The following CMTM4 variants were observed in gnomAD, a reference collection of about 807,000 sequenced individuals.
CMTM4 encodes CKLF-like MARVEL transmembrane domain-containing protein 4.
Under a neutral mutation model 19.0 loss-of-function variants are expected in CMTM4, and 8 were observed. The ratio of observed to expected loss-of-function variants is 0.42; its 90% CI spans 0.25 to 0.76. CMTM4 has a LOEUF of 0.76. Ranked by LOEUF, CMTM4 falls within the 30% of genes least tolerant of loss-of-function variation. CMTM4 has a pLI of 0.27. For synonymous variants in CMTM4, 106 were observed against 121.1 expected, an observed-to-expected ratio of 0.88 and a Z score of 0.82; for missense variants, 228 against 290.2, an observed-to-expected ratio of 0.79 and a Z score of 1.56.
chr16:66,655,006 G>T (rs1380635090), intron 1 of CMTM4, among the ~76,000 whole-genome samples: 1 of 151,946 alleles, frequency 6.6e-6, no homozygotes. Context: ...GTTTCGGGGG[G>T]CTTTTTTGAG....
intron 1 of CMTM4, among the ~76,000 whole-genome samples, chr16:66,680,644 G>A (rs546637601): frequency 7.3e-5 from 11 of 151,302 alleles, no homozygotes; most frequent in African/African-American, 2.7e-4. Context: ...CGTGGTGGCG[G>A]GCACCTGTAG....
At chr16:66,660,024 G>C (rs978606983) in intron 1 of CMTM4, among the ~76,000 whole-genome samples, 1 of 152,158 alleles carries the variant, frequency 6.6e-6, no homozygotes, top group South Asian at 2.1e-4. Flanking sequence ...CATCACAAAA[G>C]AAGATATATA....
At chr16:66,631,788 C>T (rs1221025155) in intron 2 of CMTM4, among the ~76,000 whole-genome samples, 1 of 152,182 alleles carries the variant, frequency 6.6e-6, no homozygotes, top group African/African-American at 2.4e-5. Context: ...GGGACACAAA[C>T]ACTGCGGAAG....
Position 66,615,412 on chromosome 16 carries a change from ACT to A in CMTM4, c.*6644_*6645del, listed in dbSNP as rs1454053671. 6.6e-6 allele frequency: 1 copy of A among 152,054 alleles called. No individual in the cohort carries two copies. Among genetic ancestry groups the A allele is most frequent in the Non-Finnish European group, 1.5e-5 (1 of 68,016 alleles). 9.4% of individuals were successfully genotyped at this position (152,054 alleles called of 1,614,324 possible). A position where few individuals can be genotyped will look rare whatever the true frequency, so the allele number is the denominator to read the frequency against. ...CTCAAGGGTTTTGGGACCAGACATA[ACT>A]CACGTCCTGCAGGAAGGAGAAGCAA... On this transcript the variant is annotated 3_prime_UTR_variant, in exon 4 of 4. Coordinates refer to ENST00000394106, the MANE Select transcript of CMTM4 (RefSeq NM_181521.3). This position sits in a 1 kb window ranked among gnomAD's most constrained non-coding sequence, Gnocchi z 4.9.
chr16:66,696,226 G>A lies in CMTM4; in HGVS notation c.186+114C>T. The A allele has an allele frequency of 1.4e-6, 1 of 716,846 alleles. No individual in the cohort carries two copies. The highest frequency in any genetic ancestry group is 1.9e-6 in the Non-Finnish European group (1 of 523,920). The allele number at this position is 716,846 out of a possible 1,614,324, so 44.4% of individuals were successfully genotyped here. A position where few individuals can be genotyped will look rare whatever the true frequency, so the allele number is the denominator to read the frequency against. ...CCCCACGAGGGAGAGGGGGCGCGAG[G>A]AGCGGGCTCCGGCCTGGGCAAGCGG... On this transcript the variant is annotated intron_variant, in intron 1 of 3. Transcript: ENST00000394106. The surrounding 1 kb of genome is among the most constrained non-coding windows in gnomAD (Gnocchi z 4.3).
chr16:66,690,522 C>T (rs1201650768), intron 1 of CMTM4, among the ~76,000 whole-genome samples: 1 of 152,156 alleles, frequency 6.6e-6, no homozygotes, highest in East Asian at 1.9e-4. Flanking sequence ...CCCACCCCTG[C>T]ACATCCTCCA....
chr16:66,691,266 A>G (rs1200297780), intron 1 of CMTM4, among the ~76,000 whole-genome samples: 1 of 152,156 alleles, frequency 6.6e-6, no homozygotes, highest in African/African-American at 2.4e-5. Context: ...TTTGCGACCA[A>G]CCTGGGCAAC....
chr16:66,610,928 C>T (rs2015353335), downstream of CMTM4: 5 of 398,572 alleles, frequency 1.3e-5, no homozygotes, highest in Admixed American at 4.4e-5. The surrounding 1 kb of genome is among the most constrained non-coding windows in gnomAD (Gnocchi z 4.6). Context: ...CATCCCATCC[C>T]GTCCCTTGGC....
chr16:66,599,593 T>C, the CMTM4 span, among the ~76,000 whole-genome samples: 1 of 152,142 alleles, frequency 6.6e-6, no homozygotes, highest in African/African-American at 2.4e-5. Flanking sequence ...ACTCTTGGGC[T>C]CAAGTGATCC....
rs554730295 is a variant in CMTM4 at position 66,638,731 on chromosome 16, C to T, written c.187-2150G>A. Among the ~76,000 whole-genome samples the T allele has an allele frequency of 1.3e-3, 192 of 151,996 alleles. 2 individuals carry two copies. Among genetic ancestry groups the T allele is most frequent in the Middle Eastern group, 6.8e-3 (2 of 292 alleles). On this transcript the variant is annotated intron_variant, in intron 1 of 3. Transcript: ENST00000394106. The stretch of plus-strand genomic sequence containing the variant: ...AAAATTAGATGGACATGGTGGTGGG[C>T]GCCTGTAATCCTAGCTACTTGGGAG...
intron 1 of CMTM4, among the ~76,000 whole-genome samples, chr16:66,661,858 G>A (rs759779603): frequency 3.3e-5 from 5 of 152,104 alleles, no homozygotes; most frequent in Non-Finnish European, 5.9e-5. Context: ...GCGTGAACTC[G>A]GGAGGCAGAC....
chr16:66,631,484 A>C (rs926527428), intron 2 of CMTM4, among the ~76,000 whole-genome samples: 21 of 152,366 alleles, frequency 1.4e-4, no homozygotes, highest in African/African-American at 4.8e-4. Flanking sequence ...GTTGTGGAAT[A>C]GAAAAGGGGG....
At chr16:66,638,141 G>A (rs539657610) in intron 1 of CMTM4, among the ~76,000 whole-genome samples, 3 of 152,212 alleles carry the variant, frequency 2.0e-5, no homozygotes, top group South Asian at 4.1e-4. Flanking sequence ...CCTCTCCCAG[G>A]AAAGCTGGTT....
chr16:66,656,350 G>C (rs1327492716), intron 1 of CMTM4, among the ~76,000 whole-genome samples: 1 of 151,930 alleles, frequency 6.6e-6, no homozygotes, highest in Non-Finnish European at 1.5e-5. Context: ...TGAATGAAAG[G>C]GTTTTTTGTT....
At chr16:66,661,916 G>C (rs572269865) in intron 1 of CMTM4, among the ~76,000 whole-genome samples, 8 of 152,182 alleles carry the variant, frequency 5.3e-5, no homozygotes, top group Non-Finnish European at 8.8e-5. Context: ...CTGGGCAACA[G>C]AGCAAGACTC....
intron 2 of CMTM4, among the ~76,000 whole-genome samples, chr16:66,633,383 C>T (rs1010016005): frequency 6.6e-6 from 1 of 151,960 alleles, no homozygotes; most frequent in Admixed American, 6.6e-5. Flanking sequence ...AAAATACTCC[C>T]AATACTCCCA....
chr16:66,598,248 T>C, the CMTM4 span, among the ~76,000 whole-genome samples: 1 of 152,336 alleles, frequency 6.6e-6, no homozygotes, highest in South Asian at 2.1e-4. Flanking sequence ...TGTCATCCTA[T>C]GTGACAGGCT....
Position 66,686,546 on chromosome 16 carries a change from CA to C in CMTM4, c.186+9793del, listed in dbSNP as rs35913878. 4.6e-3 allele frequency among the ~76,000 whole-genome samples: 399 copies of C among 87,186 alleles called. 1 individual carries two copies. Among genetic ancestry groups the C allele is most frequent in the Admixed American group, 7.5e-3 (59 of 7,816 alleles). The allele number at this position is 87,186 out of a possible 152,430, so 57.2% of individuals were successfully genotyped here. A position where few individuals can be genotyped will look rare whatever the true frequency, so the allele number is the denominator to read the frequency against. Reference sequence around the variant, plus strand: ...CCTGGGTGACAGTCAGACTCTGTCTCAAAAAAAAAAAAAAAAAAAAAGTTCC... The same window carrying C: ...CCTGGGTGACAGTCAGACTCTGTCTCAAAAAAAAAAAAAAAAAAAAGTTCC... On this transcript the variant is annotated intron_variant, in intron 1 of 3. Coordinates refer to ENST00000394106, the MANE Select transcript of CMTM4 (RefSeq NM_181521.3).
chr16:66,694,107 A>G (rs1449838399), intron 1 of CMTM4, among the ~76,000 whole-genome samples: 1 of 152,130 alleles, frequency 6.6e-6, no homozygotes, highest in Non-Finnish European at 1.5e-5. Context: ...AAAGAAAAGA[A>G]AAAAAGAAAA....
Sources: gnomAD v4.1 joint callset for allele counts (sites outside exome capture counted in the v4.1 genomes callset) on GRCh38, gnomAD v4.1.1 for gene constraint, Gnocchi (gnomAD v3.1) non-coding constraint, MANE v1.5 for transcripts, NCBI Gene and HGNC (gene_info 2026-07-23, HGNC 2026-07-21) for gene names.